EPB41L2: variants seen among roughly 807,000 people sequenced by gnomAD.
The protein encoded by EPB41L2 is band 4.1-like protein 2.
A neutral mutation model predicts 113.0 loss-of-function variants in EPB41L2; 43 were observed. That is an observed-to-expected ratio of 0.38 (90% CI 0.30 to 0.49). EPB41L2 has a LOEUF of 0.49. Ranked by LOEUF, EPB41L2 falls within the 20% of genes least tolerant of loss-of-function variation. EPB41L2 has a pLI of 0.95. For synonymous variants in EPB41L2, 442 were observed against 436.7 expected (o/e 1.01, Z -0.15); for missense variants, 1,147 against 1,223.4 (o/e 0.94, Z 0.93).
At chr6:130,872,322 C>T in intron 14 of EPB41L2, 1 of 1,222,284 alleles carries the variant, frequency 8.2e-7, no homozygotes, top group South Asian at 1.4e-5. Flanking sequence ...AAATGAAAAT[C>T]TCTCTCATAT....
At chr6:130,986,795 A>G (rs1253652573) in intron 1 of EPB41L2, among the ~76,000 whole-genome samples, 1 of 152,180 alleles carries the variant, frequency 6.6e-6, no homozygotes, top group African/African-American at 2.4e-5. Flanking sequence ...CAAATGTAAT[A>G]AAAACCACTG....
chr6:130,857,167 T>G (rs901485297), intron 19 of EPB41L2, among the ~76,000 whole-genome samples: 8 of 152,228 alleles, frequency 5.3e-5, no homozygotes, highest in Non-Finnish European at 8.8e-5. Context: ...CAGCAGTATA[T>G]ATTTCCTGCA....
chr6:130,850,551 G>T (rs746020408), intron 19 of EPB41L2, among the ~76,000 whole-genome samples: 4 of 152,078 alleles, frequency 2.6e-5, no homozygotes, highest in Admixed American at 2.0e-4. Context: ...GAAAGGGGGG[G>T]TGTGTGTATG....
intron 3 of EPB41L2, among the ~76,000 whole-genome samples, chr6:130,931,543 A>C (rs981195498): frequency 3.3e-5 from 5 of 152,202 alleles, no homozygotes; most frequent in African/African-American, 1.2e-4. Context: ...TAAATGCTAC[A>C]TATGAATGTT....
chr6:130,894,131 C>T lies in EPB41L2; in HGVS notation c.1487+213G>A, dbSNP rs4897473. ...AATGCATCTGCCACATTCCCCACCACTACCACCTCCTAATTCACAGAGGTT... is the reference window on the plus strand; with the variant it reads ...AATGCATCTGCCACATTCCCCACCATTACCACCTCCTAATTCACAGAGGTT... On this transcript the variant is annotated intron_variant, in intron 10 of 19. Coordinates refer to ENST00000337057, the MANE Select transcript of EPB41L2 (RefSeq NM_001431.4). Among the ~76,000 whole-genome samples the T allele has an allele frequency of 0.27, 40,302 of 152,066 alleles. 6,505 individuals are homozygous for T. Among genetic ancestry groups the T allele is most frequent in the Non-Finnish European group, 0.36 (24,238 of 67,940 alleles).
intron 19 of EPB41L2, among the ~76,000 whole-genome samples, chr6:130,843,392 C>T (rs749399535): frequency 4.6e-5 from 7 of 152,220 alleles, no homozygotes; most frequent in Non-Finnish European, 8.8e-5. Flanking sequence ...AATGGCTCTT[C>T]ATGTAAAAGC....
chr6:131,052,351 A>G (rs1015946520), intron 1 of EPB41L2, among the ~76,000 whole-genome samples: 1 of 152,248 alleles, frequency 6.6e-6, no homozygotes, highest in Non-Finnish European at 1.5e-5. Context: ...CCAGAAAAAG[A>G]GGCGAAGGAA....
intron 3 of EPB41L2, among the ~76,000 whole-genome samples, chr6:130,929,767 T>C (rs971044007): frequency 6.6e-6 from 1 of 151,622 alleles, no homozygotes; most frequent in Non-Finnish European, 1.5e-5. Flanking sequence ...ATACAAGAGC[T>C]CTGCACAACA....
chr6:131,005,735 G>C (rs1432455785), intron 1 of EPB41L2, among the ~76,000 whole-genome samples: 1 of 152,124 alleles, frequency 6.6e-6, no homozygotes, highest in Non-Finnish European at 1.5e-5. Flanking sequence ...CATGCACCAA[G>C]AACTGGCTTT....
chr6:131,002,160 C>T (rs972713611), intron 1 of EPB41L2, among the ~76,000 whole-genome samples: 1 of 152,140 alleles, frequency 6.6e-6, no homozygotes, highest in African/African-American at 2.4e-5. Context: ...TCATGCCAGA[C>T]TTGCTTTTTT....
intron 1 of EPB41L2, among the ~76,000 whole-genome samples, chr6:131,018,186 C>G (rs1365345575): frequency 6.6e-6 from 1 of 152,134 alleles, no homozygotes; most frequent in African/African-American, 2.4e-5. Context: ...TCCTTTTGCC[C>G]TCCTGCTCTG....
chr6:131,037,333 C>T (rs1487188193), intron 1 of EPB41L2, among the ~76,000 whole-genome samples: 1 of 151,988 alleles, frequency 6.6e-6, no homozygotes, highest in Admixed American at 6.6e-5. Context: ...CTGGTAAGTG[C>T]CACAAAAGAC....
chr6:130,933,268 C>T (rs145640215), intron 3 of EPB41L2, among the ~76,000 whole-genome samples: 3 of 152,196 alleles, frequency 2.0e-5, no homozygotes, highest in East Asian at 1.9e-4. Flanking sequence ...AAGTACAATC[C>T]GAGTCAATCT....
chr6:131,033,654 A>C (rs1362682277), intron 1 of EPB41L2, among the ~76,000 whole-genome samples: 1 of 152,250 alleles, frequency 6.6e-6, no homozygotes. Context: ...AATTTTGAAA[A>C]CACTATGCTA....
chr6:130,940,525 G>A (rs1490501094), intron 3 of EPB41L2, among the ~76,000 whole-genome samples: 2 of 151,426 alleles, frequency 1.3e-5, no homozygotes, highest in African/African-American at 4.9e-5. Flanking sequence ...CACTGCAGTG[G>A]CATGATCCTG....
At chr6:130,944,153 A>G (rs1295106696) in intron 3 of EPB41L2, among the ~76,000 whole-genome samples, 1 of 142,334 alleles carries the variant, frequency 7.0e-6, no homozygotes, top group Non-Finnish European at 1.5e-5. Context: ...TTATATATAT[A>G]TACGTACATA....
intron 1 of EPB41L2, among the ~76,000 whole-genome samples, chr6:130,992,461 CAAT>C (rs889442741): frequency 6.6e-6 from 1 of 152,082 alleles, no homozygotes; most frequent in African/African-American, 2.4e-5. Context: ...ATGAGTTAAT[CAAT>C]AATTGCACCT....
intron 16 of EPB41L2, among the ~76,000 whole-genome samples, chr6:130,866,155 T>C (rs775063453): frequency 1.3e-5 from 2 of 152,212 alleles, no homozygotes; most frequent in African/African-American, 2.4e-5. Flanking sequence ...CTGTAATAGT[T>C]TGCATGTTGT....
At position 130,901,157 on chromosome 6, in the gene EPB41L2, C is replaced by A; in HGVS notation, c.953G>T (p.Arg318Leu). 6.2e-7 allele frequency: 1 copy of A among 1,613,552 alleles called. No individual in the cohort carries two copies. Residue 318 changes from arginine to leucine, a missense_variant, in exon 7 of 20, where the codon CGG (arginine) becomes CTG (leucine). Arg to Leu is a moderately radical substitution (Grantham distance 102, BLOSUM62 -2). Coordinates refer to ENST00000337057, the MANE Select transcript of EPB41L2 (RefSeq NM_001431.4). ...CAGGCGGCCAGAGGCAATGTCCTGC[C>A]GGAGCTGAAGGCACAAGAAGTATCT... is the stretch of plus-strand genomic sequence containing the variant. ...ITRYFLCLQLRQDIASGRLPC... is the reference protein window; with the variant it reads ...ITRYFLCLQLLQDIASGRLPC...
Sources: allele counts gnomAD v4.1 joint callset (sites outside exome capture counted in the v4.1 genomes callset), GRCh38; gene constraint gnomAD v4.1.1; transcripts MANE v1.5; gene names NCBI Gene and HGNC (gene_info 2026-07-23, HGNC 2026-07-21).